The following ZBED4 variants were observed in gnomAD, a reference collection of about 807,000 sequenced individuals.
ZBED4 encodes zinc finger BED domain-containing protein 4.
A neutral mutation model predicts 15.5 loss-of-function variants in ZBED4; 4 were observed. The ratio of observed to expected loss-of-function variants is 0.26; its 90% CI spans 0.13 to 0.59. The LOEUF (loss-of-function observed/expected upper bound fraction) is 0.59. Ranked by LOEUF, ZBED4 falls within the 20% of genes least tolerant of loss-of-function variation. The pLI is 0.90. For synonymous variants in ZBED4, 692 were observed against 608.5 expected, an observed-to-expected ratio of 1.14 and a Z score of -2.02; for missense variants, 1,323 against 1,461.8, an observed-to-expected ratio of 0.91 and a Z score of 1.55.
At position 49,887,262 on chromosome 22, in the gene ZBED4, C is replaced by T. The variant is rs573398477; in HGVS notation, c.*84C>T. On this transcript the variant is annotated 3_prime_UTR_variant, in exon 2 of 2. Coordinates refer to ENST00000216268, the MANE Select transcript of ZBED4 (RefSeq NM_014838.3). ...CCAGGTCTATGACCCGCTCTGCCCA[C>T]GGCTGTGTACGACATCAGACCAGGC... The T allele has an allele frequency of 6.7e-4, 944 of 1,412,630 alleles. 5 individuals carry two copies. The highest frequency in any genetic ancestry group is 4.8e-3 in the African/African-American group (330 of 69,332). 87.5% of individuals were successfully genotyped at this position (1,412,630 alleles called of 1,614,324 possible). A position where few individuals can be genotyped will look rare whatever the true frequency, so the allele number is the denominator to read the frequency against.
chr22:49,865,863 C>CTT lies in ZBED4; in HGVS notation c.-330+11887_-330+11888dup, dbSNP rs112145673. Among the ~76,000 whole-genome samples the CTT allele has an allele frequency of 4.4e-3, 610 of 139,524 alleles. 8 individuals carry two copies. Among genetic ancestry groups the CTT allele is most frequent in the African/African-American group, 0.015 (557 of 38,186 alleles). The allele number at this position is 139,524 out of a possible 152,430, so 91.5% of individuals were successfully genotyped here. The stretch of plus-strand genomic sequence containing the variant: ...GTATAAAATCCTTGGTTCACATTTT[C>CTT]TTTTTTTTTTTTTTCCCTTTAATTT... On this transcript the variant is annotated intron_variant, in intron 1 of 1. Transcript: ENST00000216268.
intron 1 of ZBED4, among the ~76,000 whole-genome samples, chr22:49,872,661 C>T (rs2060354473): frequency 6.6e-6 from 1 of 152,086 alleles, no homozygotes; most frequent in Admixed American, 6.6e-5. Flanking sequence ...TGCCAGGTAG[C>T]TGGGACTGCA....
chr22:49,883,449 C>T lies in ZBED4; in HGVS notation c.-214C>T, dbSNP rs1009138906. ...TGTCTACACCATGAGTGTTTAGTAGCAGGACTCTTGGAAAGCAGTGATCTA... is the reference window on the plus strand; with the variant it reads ...TGTCTACACCATGAGTGTTTAGTAGTAGGACTCTTGGAAAGCAGTGATCTA... On this transcript the variant is annotated 5_prime_UTR_variant, in exon 2 of 2. Coordinates refer to ENST00000216268, the MANE Select transcript of ZBED4 (RefSeq NM_014838.3). 6 of 556,620 alleles carry T rather than the reference C, an allele frequency of 1.1e-5. No homozygotes were observed. Among genetic ancestry groups the T allele is most frequent in the Non-Finnish European group, 1.7e-5 (6 of 347,674 alleles). The allele number at this position is 556,620 out of a possible 1,614,324, so 34.5% of individuals were successfully genotyped here. A position where few individuals can be genotyped will look rare whatever the true frequency, so the allele number is the denominator to read the frequency against.
chr22:49,871,089 C>T (rs1039111104), intron 1 of ZBED4, among the ~76,000 whole-genome samples: 1 of 149,654 alleles, frequency 6.7e-6, no homozygotes, highest in African/African-American at 2.5e-5. Context: ...TACAGGTGTG[C>T]ACCACAATGC....
chr22:49,864,883 C>T (rs2060313049), intron 1 of ZBED4, among the ~76,000 whole-genome samples: 2 of 141,504 alleles, frequency 1.4e-5, no homozygotes, highest in Non-Finnish European at 3.0e-5. Context: ...GCGAGTCAAA[C>T]CATCGATGAA....
chr22:49,868,803 G>T (rs2060332726), intron 1 of ZBED4, among the ~76,000 whole-genome samples: 1 of 152,144 alleles, frequency 6.6e-6, no homozygotes, highest in Non-Finnish European at 1.5e-5. Context: ...CAGCCTCCCA[G>T]AGGTGGATTG....
In ZBED4 at chr22:49,883,708, G is replaced by A. The variant is rs773004328; in HGVS notation, c.46G>A (p.Val16Ile). The A allele has an allele frequency of 1.7e-5, 27 of 1,605,398 alleles. No homozygotes were observed. Among genetic ancestry groups the A allele is most frequent in the South Asian group, 5.5e-5 (5 of 90,752 alleles). Residue 16 changes from valine to isoleucine, a missense_variant, in exon 2 of 2, where the codon GTT becomes ATT. By Grantham distance (29) the Val-to-Ile change is conservative. Coordinates refer to ENST00000216268, the MANE Select transcript of ZBED4 (RefSeq NM_014838.3). ...KTCPKEDGDF[V>I]SDKIKFKIEE... ...TTGTCCCAAAGAGGACGGTGATTTC[G>A]TTTCTGATAAAATAAAGTTTAAAAT...
At chr22:49,856,727 ATCCCGGCCGGCTTCCC>A (rs1569155661) in intron 1 of ZBED4, among the ~76,000 whole-genome samples, 1 of 35,004 alleles carries the variant, frequency 2.9e-5, no homozygotes, top group Non-Finnish European at 1.4e-4. Flanking sequence ...CCGCGCTGGA[ATCCCGGCCGGCTTCCC>A]ACCTCTCGTT....
chr22:49,867,996 C>G (rs2060329812), intron 1 of ZBED4, among the ~76,000 whole-genome samples: 1 of 152,166 alleles, frequency 6.6e-6, no homozygotes, highest in Non-Finnish European at 1.5e-5. Flanking sequence ...AGGAAAAGAT[C>G]AACATTCAGA....
rs765817955 is a variant in ZBED4 at position 49,885,931 on chromosome 22, G to A, written c.2269G>A (p.Ala757Thr). The A allele has an allele frequency of 6.1e-6, 5 of 820,122 alleles. No individual in the cohort carries two copies. The highest frequency in any genetic ancestry group is 1.0e-5 in the Non-Finnish European group (5 of 481,182). 50.8% of individuals were successfully genotyped at this position (820,122 alleles called of 1,614,324 possible). A position where few individuals can be genotyped will look rare whatever the true frequency, so the allele number is the denominator to read the frequency against. ...TAHWVSFESP[A>T]RPRCDDHHCS... The stretch of plus-strand genomic sequence containing the variant: ...CCACTGGGTTTCCTTCGAGTCGCCA[G>A]CCCGGCCGCGCTGTGACGACCACCA... The change falls in exon 2 of 2, where the codon GCC (alanine) becomes ACC (threonine). Residue 757 changes from alanine to threonine, a missense_variant. By Grantham distance (58) the Ala-to-Thr change is moderately conservative. This residue lies in a region of ZBED4 where 100 missense variants were observed against 79.3 expected (regional missense o/e 1.26). Coordinates refer to ENST00000216268, the MANE Select transcript of ZBED4 (RefSeq NM_014838.3).
At chr22:49,858,723 C>T (rs1434005184) in intron 1 of ZBED4, among the ~76,000 whole-genome samples, 1 of 152,212 alleles carries the variant, frequency 6.6e-6, no homozygotes, top group Admixed American at 6.5e-5. Flanking sequence ...GTCTACAAAA[C>T]GTGACTGTGT....
intron 1 of ZBED4, 141 bp downstream of exon 1, chr22:49,854,130 C>T (rs1437748789): frequency 1.4e-5 from 2 of 144,820 alleles, no homozygotes; most frequent in Non-Finnish European, 1.5e-5. Flanking sequence ...GGCGCGGTTC[C>T]GTGGCCTCGG....
rs139846703 is a variant in ZBED4 at position 49,880,404 on chromosome 22, C to T, written c.-329-2930C>T. Among the ~76,000 whole-genome samples, 43 of 152,310 alleles carry T rather than the reference C, an allele frequency of 2.8e-4. 2 individuals carry two copies. In the East Asian group the frequency reaches 8.3e-3, roughly 29 times the overall value. On this transcript the variant is annotated intron_variant, in intron 1 of 1. Coordinates refer to ENST00000216268, the MANE Select transcript of ZBED4 (RefSeq NM_014838.3). ...CTGCGTAGCTCCCTCCTCTCCCGCG[C>T]TCGGGACATGCTCGAGACCACCGGG...
intron 1 of ZBED4, among the ~76,000 whole-genome samples, chr22:49,872,340 A>C (rs1276844775): frequency 7.2e-5 from 11 of 152,214 alleles, no homozygotes; most frequent in African/African-American, 2.7e-4. Flanking sequence ...TCCTAAGAGT[A>C]CAGCAATTCC....
At chr22:49,854,408 C>T (rs1170445842) in intron 1 of ZBED4, among the ~76,000 whole-genome samples, 1 of 152,122 alleles carries the variant, frequency 6.6e-6, no homozygotes, top group African/African-American at 2.4e-5. Flanking sequence ...CATTCCCGTC[C>T]CACCTCCAGG....
rs371039745 is a variant in ZBED4 at position 49,887,017 on chromosome 22, G to A, written c.3355G>A (p.Val1119Ile). The change falls in exon 2 of 2, where the codon GTC becomes ATC. Residue 1119 changes from valine to isoleucine, a missense_variant. Physicochemically the swap from Val to Ile is conservative, Grantham distance 29 (BLOSUM62 3). Coordinates refer to ENST00000216268, the MANE Select transcript of ZBED4 (RefSeq NM_014838.3). ...ASWPGLSALAVRFLGCPPSIV... is the reference protein window; with the variant it reads ...ASWPGLSALAIRFLGCPPSIV... ...CTGGCCGGGGCTGTCCGCGCTGGCC[G>A]TCAGATTTTTGGGCTGCCCCCCAAG... 29 of 1,613,998 alleles carry A rather than the reference G, an allele frequency of 1.8e-5. No individual in the cohort carries two copies. Among genetic ancestry groups the A allele is most frequent in the East Asian group, 6.7e-5 (3 of 44,894 alleles).
At chr22:49,858,160 C>T (rs867870465) in intron 1 of ZBED4, among the ~76,000 whole-genome samples, 1 of 151,924 alleles carries the variant, frequency 6.6e-6, no homozygotes, top group Middle Eastern at 3.4e-3. Context: ...CCTTTGCCTC[C>T]CAAAGGGCTG....
chr22:49,865,273 G>T lies in ZBED4; in HGVS notation c.-330+11284G>T, dbSNP rs552809852. On this transcript the variant is annotated intron_variant, in intron 1 of 1. Coordinates refer to ENST00000216268, the MANE Select transcript of ZBED4 (RefSeq NM_014838.3). The stretch of plus-strand genomic sequence containing the variant: ...AAAGGCACAGTAAACAGATGGTGTC[G>T]TTATCTTATGTAGCCACTGTGGGGT... Among the ~76,000 whole-genome samples, 6 of 152,238 alleles carry T rather than the reference G, an allele frequency of 3.9e-5. No homozygotes were observed. In the East Asian group the frequency reaches 1.2e-3, roughly 29 times the overall value.
At chr22:49,855,445 C>CCA (rs1864302473) in intron 1 of ZBED4, among the ~76,000 whole-genome samples, 2 of 152,258 alleles carry the variant, frequency 1.3e-5, no homozygotes, top group South Asian at 4.2e-4. Flanking sequence ...CCAACCCCCT[C>CCA]CACACACACA....
Sources: gnomAD v4.1 joint callset for allele counts (sites outside exome capture counted in the v4.1 genomes callset) on GRCh38, gnomAD v4.1.1 for gene constraint, gnomAD v4.1.1 regional missense constraint, MANE v1.5 for transcripts, NCBI Gene and HGNC (gene_info 2026-07-23, HGNC 2026-07-21) for gene names.